The following SLC15A3 variants were observed in gnomAD, a reference collection of about 807,000 sequenced individuals.
SLC15A3 encodes osteoclast transporter.
Under a neutral mutation model 49.2 loss-of-function variants are expected in SLC15A3, and 39 were observed. The ratio of observed to expected loss-of-function variants is 0.79; its 90% confidence interval spans 0.61 to 1.04. SLC15A3 has a LOEUF of 1.04. Ranked by LOEUF, SLC15A3 falls within the 50% of genes least tolerant of loss-of-function variation. SLC15A3 has a pLI of 0.00. For synonymous variants in SLC15A3, 339 were observed against 367.0 expected, an observed-to-expected ratio of 0.92 and a Z score of 0.87; for missense variants, 758 against 794.8, an observed-to-expected ratio of 0.95 and a Z score of 0.56.
chr11:60,941,221 A>C lies in SLC15A3; in HGVS notation c.1177T>G (p.Leu393Val), dbSNP rs1411438638. Residue 393 changes from leucine to valine, a missense_variant, in exon 5 of 8, where the codon TTG becomes GTG. Physicochemically the swap from Leu to Val is conservative, Grantham distance 32. Transcript: ENST00000227880. ...CACCGCAGCAGTAAAGGGTCGATCAAGCGGTCCTTCAGAGGGACCAGAATC... is the reference window on the plus strand; with the variant it reads ...CACCGCAGCAGTAAAGGGTCGATCACGCGGTCCTTCAGAGGGACCAGAATC... ...VLILVPLKDRLIDPLLLRCKL... is the reference protein window; with the variant it reads ...VLILVPLKDRVIDPLLLRCKL... 6.2e-7 allele frequency: 1 copy of C among 1,614,192 alleles called. No individual in the cohort carries two copies. Among genetic ancestry groups the C allele is most frequent in the Admixed American group, 1.7e-5 (1 of 60,024 alleles).
chr11:60,939,919 A>T, intron 5 of SLC15A3: 1 of 376,516 alleles, frequency 2.7e-6, no homozygotes, highest in Non-Finnish European at 4.8e-6. Flanking sequence ...GGCATTTACC[A>T]TGCATCCTTG....
rs1273740906 is a variant in SLC15A3 at position 60,951,471 on chromosome 11, A to G, written c.81T>C (p.Pro27=). 2 of 1,380,492 alleles carry G rather than the reference A, an allele frequency of 1.4e-6. No homozygotes were observed. Among genetic ancestry groups the G allele is most frequent in the African/African-American group, 1.5e-5 (1 of 65,600 alleles). The allele number at this position is 1,380,492 out of a possible 1,614,324, so 85.5% of individuals were successfully genotyped here. Residue 27 remains proline (P), a synonymous_variant, in exon 1 of 8, where the codon CCT becomes CCC. Transcript: ENST00000227880. ...CGCCCGCCGCCCGCCGCCACCGTCG[A>G]GGGCCCCGCGCACCGCGAGGCAGCA... The part of the protein sequence containing the change: ...QPLLPRGARG[P]RRWRRAAGAA...
chr11:60,941,007 G>T, intron 5 of SLC15A3, 115 bp downstream of exon 5: 1 of 1,178,102 alleles, frequency 8.5e-7, no homozygotes. Context: ...CAACACTGAC[G>T]CCCACTGGGA....
intron 7 of SLC15A3, 121 bp downstream of exon 7, chr11:60,937,749 A>T: frequency 1.5e-6 from 2 of 1,310,400 alleles, no homozygotes. Context: ...CTAGAACCCC[A>T]TTCTCCCAAG....
In SLC15A3 at chr11:60,941,102, C is replaced by T. The variant is rs1345799046; in HGVS notation, c.1276+20G>A. ...CCCAAGCCCAAAGTTCAGCCCCCTG[C>T]CCCACACCCCTCTGCACACCTGCCA... On this transcript the variant is annotated intron_variant, in intron 5 of 7. Transcript: ENST00000227880. 1 of 1,602,210 alleles carries T rather than the reference C, an allele frequency of 6.2e-7. No individual in the cohort carries two copies. Among genetic ancestry groups the T allele is most frequent in the African/African-American group, 1.3e-5 (1 of 74,742 alleles).
At chr11:60,944,961 C>T (rs926846069) in intron 2 of SLC15A3, among the ~76,000 whole-genome samples, 6 of 152,314 alleles carry the variant, frequency 3.9e-5, no homozygotes, top group Middle Eastern at 3.4e-3. Context: ...CAAAGACAGC[C>T]ACTGTCAACT....
chr11:60,949,510 AAGAAAG>A (rs1802847876), intron 1 of SLC15A3, among the ~76,000 whole-genome samples: 1 of 62,908 alleles, frequency 1.6e-5, no homozygotes, highest in African/African-American at 3.8e-5. Flanking sequence ...GAAGGAAAGA[AAGAAAG>A]AAAGAAAGAA....
intron 1 of SLC15A3, among the ~76,000 whole-genome samples, chr11:60,949,512 GAAAGAAA>G (rs1856866876): frequency 1.9e-4 from 12 of 62,740 alleles, no homozygotes; most frequent in Admixed American, 1.5e-3. Flanking sequence ...AGGAAAGAAA[GAAAGAAA>G]GAAAGAAAGA....
intron 7 of SLC15A3, chr11:60,937,599 A>C (rs574412953): frequency 5.5e-5 from 39 of 715,524 alleles, no homozygotes; most frequent in Non-Finnish European, 9.3e-5. Context: ...TATAAACACC[A>C]TGAGAAAGGT....
At chr11:60,937,483 G>T in intron 7 of SLC15A3, 110 bp from the exon 8 acceptor site, 2 of 1,416,796 alleles carry the variant, frequency 1.4e-6, no homozygotes, top group Non-Finnish European at 2.0e-6. Flanking sequence ...TGTGGGCAGT[G>T]GTGGGATCTG....
chr11:60,946,303 A>G (rs1856799687), intron 2 of SLC15A3, among the ~76,000 whole-genome samples: 1 of 151,828 alleles, frequency 6.6e-6, no homozygotes, highest in Non-Finnish European at 1.5e-5. Flanking sequence ...CCATCCTCAC[A>G]CATTCTGTAC....
chr11:60,950,486 T>C (rs1281832960), intron 1 of SLC15A3, among the ~76,000 whole-genome samples: 2 of 152,060 alleles, frequency 1.3e-5, no homozygotes. Flanking sequence ...GGCCTGCAAG[T>C]AGCTCAAAAA....
Position 60,939,591 on chromosome 11 carries a change from C to G in SLC15A3, c.1324G>C (p.Val442Leu). ...RLHYIHHNET[V>L]SQQIGEVLYN... ...AGGACCTCCCCAATCTGCTGGGACACGGTCTCGTTGTGGTGGATGTAGTGT... is the reference window on the plus strand; with the variant it reads ...AGGACCTCCCCAATCTGCTGGGACAGGGTCTCGTTGTGGTGGATGTAGTGT... The change falls in exon 6 of 8, where the codon GTG becomes CTG. Residue 442 changes from valine (V) to leucine (L), a missense_variant. Coordinates refer to ENST00000227880, the MANE Select transcript of SLC15A3 (RefSeq NM_016582.3). 3 of 1,614,178 alleles carry G rather than the reference C, an allele frequency of 1.9e-6. No homozygotes were observed. Among genetic ancestry groups the G allele is most frequent in the Non-Finnish European group, 1.7e-6 (2 of 1,180,022 alleles).
rs371322434 is a variant in SLC15A3, at chr11:60,938,543, G to A, written c.1436-518C>T. Among the ~76,000 whole-genome samples, 15 of 152,074 alleles carry A rather than the reference G, an allele frequency of 9.9e-5. No homozygotes were observed. In the East Asian group the frequency reaches 1.9e-3, roughly 20 times the overall value. ...CAGGAGCATCAGTCTAAAGGACCTCGGATGGGGTCCTTTCCCGGCCAAAAC... is the reference window on the plus strand; with the variant it reads ...CAGGAGCATCAGTCTAAAGGACCTCAGATGGGGTCCTTTCCCGGCCAAAAC... On this transcript the variant is annotated intron_variant, in intron 6 of 7. Transcript: ENST00000227880.
chr11:60,947,469 G>A (rs777293462), intron 1 of SLC15A3, among the ~76,000 whole-genome samples: 1 of 152,208 alleles, frequency 6.6e-6, no homozygotes, highest in African/African-American at 2.4e-5. Context: ...GTGAGCCATC[G>A]CGCCCGGCCT....
At chr11:60,943,125 G>T (rs1326389734) in intron 3 of SLC15A3, 1 of 152,250 alleles carries the variant, frequency 6.6e-6, no homozygotes, top group African/African-American at 2.4e-5. Flanking sequence ...ATAGCCTGTG[G>T]TTGGACTTGG....
At chr11:60,937,405 G>C (rs1167136311) in intron 7 of SLC15A3, 32 bp from the exon 8 acceptor site, 1 of 1,613,218 alleles carries the variant, frequency 6.2e-7, no homozygotes, top group Non-Finnish European at 8.5e-7. Flanking sequence ...TTTGGGTCAG[G>C]ACAGGGATCC....
chr11:60,942,643 A>G (rs1417099714), intron 3 of SLC15A3: 1 of 157,822 alleles, frequency 6.3e-6, no homozygotes, highest in Admixed American at 6.2e-5. Context: ...TTGCTATATA[A>G]TGGAGTAGGA....
intron 2 of SLC15A3, among the ~76,000 whole-genome samples, chr11:60,945,863 T>C (rs1856793774): frequency 6.6e-6 from 1 of 152,130 alleles, no homozygotes; most frequent in African/African-American, 2.4e-5. Context: ...ATCCCCATCA[T>C]CCTCTCCTTT....
Sources: gnomAD v4.1 joint callset for allele counts (sites outside exome capture counted in the v4.1 genomes callset) on GRCh38, gnomAD v4.1.1 for gene constraint, MANE v1.5 for transcripts, NCBI Gene and HGNC (gene_info 2026-07-23, HGNC 2026-07-21) for gene names.